ZIM2: variants seen among roughly 807,000 people sequenced by gnomAD.
The protein encoded by ZIM2 is zinc finger imprinted 2.
ZIM2 carries 14 observed loss-of-function variants against 38.6 expected under a neutral mutation model. The observed-to-expected ratio is 0.36, with a 90% confidence interval of 0.24 to 0.57. The LOEUF (loss-of-function observed/expected upper bound fraction) is 0.57, where lower values mean the gene tolerates loss of function less well. Among genes scored for constraint, ZIM2 ranks in the 20% least tolerant of loss-of-function variants. The pLI is 0.81. For synonymous variants in ZIM2, 247 were observed against 245.8 expected (o/e 1.00, Z -0.04); for missense variants, 680 against 695.1 (o/e 0.98, Z 0.24).
chr19:56,825,635 T>C (rs2060949193), intron 3 of ZIM2, among the ~76,000 whole-genome samples: 1 of 152,192 alleles, frequency 6.6e-6, no homozygotes, highest in African/African-American at 2.4e-5. Context: ...TTGCATTTTA[T>C]TGCGTATTTT....
intron 1 of ZIM2, among the ~76,000 whole-genome samples, chr19:56,837,795 A>G (rs2062346733): frequency 6.6e-6 from 1 of 152,204 alleles, no homozygotes; most frequent in African/African-American, 2.4e-5. Flanking sequence ...GCTGTCACTC[A>G]AGATGGCGCC....
chr19:56,774,582 C>A lies in ZIM2; in HGVS notation c.*106G>T. On this transcript the variant is annotated 3_prime_UTR_variant, in exon 13 of 13. Coordinates refer to ENST00000629319, the MANE Select transcript of ZIM2 (RefSeq NM_001387356.1). Reference sequence around the variant, plus strand: ...TTTTTACCACACTTTGATGAATGTTCAAGTTGTTAACAAGGTGGGGCTAGT... The same window carrying A: ...TTTTTACCACACTTTGATGAATGTTAAAGTTGTTAACAAGGTGGGGCTAGT... 1 of 1,426,490 alleles carries A rather than the reference C, an allele frequency of 7.0e-7. No individual in the cohort carries two copies. The highest frequency in any genetic ancestry group is 9.3e-7 in the Non-Finnish European group (1 of 1,072,088). The allele number at this position is 1,426,490 out of a possible 1,614,324, so 88.4% of individuals were successfully genotyped here.
At chr19:56,823,811 T>C (rs1860566) in intron 4 of ZIM2, 132 bp from the exon 5 acceptor site, 862,021 of 1,095,334 alleles carry the variant, frequency 0.79, 339,906 homozygotes, top group Admixed American at 0.85. Flanking sequence ...CATTTCTGAG[T>C]TCAAAACCCT....
intron 1 of ZIM2, among the ~76,000 whole-genome samples, chr19:56,837,907 T>C (rs1162330566): frequency 1.3e-5 from 2 of 152,172 alleles, no homozygotes; most frequent in Admixed American, 6.5e-5. Flanking sequence ...CATTCAGTAA[T>C]GGTGCCTCCG....
intron 3 of ZIM2, among the ~76,000 whole-genome samples, 195 bp downstream of exon 3, chr19:56,826,193 G>A (rs908929965): frequency 8.5e-5 from 13 of 152,170 alleles, no homozygotes; most frequent in African/African-American, 3.1e-4. Context: ...CCAGATGATT[G>A]GTGTGACATT....
chr19:56,824,906 G>A, intron 3 of ZIM2: 2 of 464,018 alleles, frequency 4.3e-6, no homozygotes, highest in East Asian at 6.8e-5. Context: ...TTACAAGCAT[G>A]ACCTCTGGGC....
intron 4 of ZIM2, among the ~76,000 whole-genome samples, chr19:56,824,001 C>T (rs903311953): frequency 5.3e-5 from 8 of 152,160 alleles, no homozygotes; most frequent in African/African-American, 1.9e-4. Context: ...TCTCCTTTCC[C>T]TCTCCTGACT....
chr19:56,809,204 G>A (rs560177932), intron 9 of ZIM2, among the ~76,000 whole-genome samples: 4 of 152,186 alleles, frequency 2.6e-5, no homozygotes, highest in Admixed American at 2.0e-4. Context: ...GCTGATGCTC[G>A]TCACAGAATG....
At chr19:56,816,862 T>C (rs936134530) in intron 9 of ZIM2, 2 of 1,614,164 alleles carry the variant, frequency 1.2e-6, no homozygotes. Flanking sequence ...ACCTCTAGCA[T>C]GAATCTTCCG....
At chr19:56,813,838 G>A (rs780565073) in intron 9 of ZIM2, 1 of 1,614,156 alleles carries the variant, frequency 6.2e-7, no homozygotes, top group South Asian at 1.1e-5. Context: ...GGCATTTGCA[G>A]GCTCAAATAT....
At chr19:56,813,290 A>T in intron 9 of ZIM2, 2 of 939,038 alleles carry the variant, frequency 2.1e-6, no homozygotes, top group Non-Finnish European at 2.6e-6. Flanking sequence ...AATATATGTG[A>T]TCACTGTTCT....
At chr19:56,811,283 A>AG in intron 9 of ZIM2, 2 of 923,376 alleles carry the variant, frequency 2.2e-6, no homozygotes, top group South Asian at 5.0e-5. Context: ...TTTGACTATA[A>AG]GCATATATAT....
intron 2 of ZIM2, chr19:56,833,188 G>A (rs1401721943): frequency 1.9e-6 from 1 of 516,440 alleles, no homozygotes; most frequent in Non-Finnish European, 3.9e-6. Flanking sequence ...ATCTGATGCA[G>A]GAGAAAATCC....
rs184629533 is a variant in ZIM2, at chr19:56,813,759, C to T, written c.490+3987G>A. Reference sequence around the variant, plus strand: ...CACAGACGTCACATTTGAAGTACTTCTCATCAGCTTGATTGGCACCACCTG... The same window carrying T: ...CACAGACGTCACATTTGAAGTACTTTTCATCAGCTTGATTGGCACCACCTG... On this transcript the variant is annotated intron_variant, in intron 9 of 12. Transcript: ENST00000629319. 9 of 1,614,136 alleles carry T rather than the reference C, an allele frequency of 5.6e-6. No individual in the cohort carries two copies. The Admixed American group carries it at 1.3e-4, about 24-fold the overall frequency.
chr19:56,802,907 C>A (rs1305381977), intron 9 of ZIM2, among the ~76,000 whole-genome samples: 3 of 152,220 alleles, frequency 2.0e-5, no homozygotes, highest in African/African-American at 7.2e-5. Context: ...CTGATTTAAG[C>A]AAACCTTTCC....
intron 10 of ZIM2, among the ~76,000 whole-genome samples, chr19:56,787,575 G>A (rs146386079): frequency 0.016 from 2,510 of 152,216 alleles, 83 homozygotes; most frequent in African/African-American, 0.057. Context: ...TCTCTGCCAG[G>A]TTTTGCTATC....
chr19:56,822,941 A>T, intron 5 of ZIM2, 105 bp from the exon 6 acceptor site: 1 of 1,450,820 alleles, frequency 6.9e-7, no homozygotes, highest in Non-Finnish European at 9.4e-7. Flanking sequence ...CCCTCTTCCC[A>T]CAAGGAGATG....
intron 10 of ZIM2, among the ~76,000 whole-genome samples, chr19:56,787,935 T>C (rs2046709273): frequency 6.6e-6 from 1 of 152,056 alleles, no homozygotes; most frequent in African/African-American, 2.4e-5. Context: ...AGTGATGATA[T>C]CATTTTTTAT....
chr19:56,789,175 A>G (rs548771376), intron 10 of ZIM2, among the ~76,000 whole-genome samples: 7 of 152,150 alleles, frequency 4.6e-5, no homozygotes, highest in Non-Finnish European at 7.4e-5. Context: ...TTGCATCCTT[A>G]TGCAAAAAAT....
Sources: allele counts gnomAD v4.1 joint callset (sites outside exome capture counted in the v4.1 genomes callset), GRCh38; gene constraint gnomAD v4.1.1; transcripts MANE v1.5; gene names NCBI Gene and HGNC (gene_info 2026-07-23, HGNC 2026-07-21).